DNAH11: variants seen among roughly 807,000 people sequenced by gnomAD.
DNAH11 encodes the protein axonemal beta dynein heavy chain 11.
DNAH11 carries 442 observed loss-of-function variants against 526.0 expected under a neutral mutation model. That is an observed-to-expected ratio of 0.84 (90% CI 0.78 to 0.91). DNAH11 has a LOEUF of 0.91. Among genes scored for constraint, DNAH11 ranks in the 40% least tolerant of loss-of-function variants. DNAH11 has a pLI of 0.00. For missense variants in DNAH11, 6,989 were observed against 5,448.7 expected (o/e 1.28, Z -8.90); for synonymous variants, 2,461 against 1,935.9 (o/e 1.27, Z -7.12).
In DNAH11 at chr7:21,559,642, A is replaced by G. The variant is rs1448372395; in HGVS notation, c.732A>G (p.Glu244=). ...SNERIILHAI[E]SVVIEWSHQI... ...AAAGGATAATACTTCATGCAATTGA[A>G]TCTGTGGTTATTGAATGGTCACATC... Residue 244 remains glutamate, a synonymous_variant, in exon 4 of 82, where the codon GAA becomes GAG. Coordinates refer to ENST00000409508, the MANE Select transcript of DNAH11 (RefSeq NM_001277115.2). 2.5e-6 allele frequency: 4 copies of G among 1,611,934 alleles called. No homozygotes were observed. The highest frequency in any genetic ancestry group is 3.4e-6 in the Non-Finnish European group (4 of 1,179,022).
At position 21,683,910 on chromosome 7, in the gene DNAH11, A is replaced by T. The variant is rs1440718793; in HGVS notation, c.5587A>T (p.Ser1863Cys). Residue 1863 changes from serine (S) to cysteine (C), a missense_variant, in exon 32 of 82, where the codon AGC becomes TGC. By Grantham distance (112) the Ser-to-Cys change is moderately radical. Coordinates refer to ENST00000409508, the MANE Select transcript of DNAH11 (RefSeq NM_001277115.2). Reference protein sequence around the residue: ...FQYFYEYLGNSPRLVITPLTD... With the variant: ...FQYFYEYLGNCPRLVITPLTD... ...GTACTTCTATGAATACTTAGGAAAC[A>T]GCCCTCGACTAGTGATCACTCCTCT... 6.2e-7 allele frequency: 1 copy of T among 1,613,804 alleles called. No homozygotes were observed. The highest frequency in any genetic ancestry group is 1.7e-5 in the Admixed American group (1 of 60,014).
chr7:21,810,149 C>A (rs929350753), intron 63 of DNAH11, among the ~76,000 whole-genome samples: 3 of 152,106 alleles, frequency 2.0e-5, no homozygotes, highest in Non-Finnish European at 1.5e-5. Flanking sequence ...AAGTAGCTTA[C>A]CCTAAATTTG....
chr7:21,896,537 G>A (rs1460100203), intron 79 of DNAH11, among the ~76,000 whole-genome samples: 1 of 152,172 alleles, frequency 6.6e-6, no homozygotes, highest in Non-Finnish European at 1.5e-5. Flanking sequence ...ATTGTACTGA[G>A]GTATGGATTT....
At chr7:21,556,856 G>A (rs1469774635) in intron 2 of DNAH11, among the ~76,000 whole-genome samples, 1 of 152,130 alleles carries the variant, frequency 6.6e-6, no homozygotes, top group African/African-American at 2.4e-5. Context: ...GAGGCCAGGA[G>A]TTTGAAACCA....
intron 45 of DNAH11, among the ~76,000 whole-genome samples, chr7:21,733,388 CA>C (rs200757148): frequency 6.6e-6 from 1 of 150,914 alleles, no homozygotes; most frequent in African/African-American, 2.4e-5. Flanking sequence ...GACTCCATCT[CA>C]AAAAAAAAGA....
intron 20 of DNAH11, among the ~76,000 whole-genome samples, chr7:21,612,477 C>T (rs189191222): frequency 2.7e-4 from 40 of 149,294 alleles, no homozygotes; most frequent in Admixed American, 2.2e-3. Context: ...ATGGCATGAA[C>T]CCAGGAGGCA....
Position 21,600,686 on chromosome 7 carries a change from A to G in DNAH11, c.3011A>G (p.Asp1004Gly). 6.2e-7 allele frequency: 1 copy of G among 1,609,698 alleles called. No individual in the cohort carries two copies. The highest frequency in any genetic ancestry group is 8.5e-7 in the Non-Finnish European group (1 of 1,177,524). ...LEIKNYQNDM[D>G]NMLGLAEVRQ... ...TTTCCTCTCATTTAGAATGATATGG[A>G]TAACATGTTAGGCCTGGCAGAGGTC... Residue 1004 changes from aspartate to glycine, a missense_variant, in exon 16 of 82, where the codon GAT (aspartate) becomes GGT (glycine). Physicochemically the swap from Asp to Gly is moderately conservative, Grantham distance 94. Coordinates refer to ENST00000409508, the MANE Select transcript of DNAH11 (RefSeq NM_001277115.2).
chr7:21,724,751 GCCAGGTCATCCTAT>G (rs1211838061), intron 44 of DNAH11, among the ~76,000 whole-genome samples: 50 of 151,186 alleles, frequency 3.3e-4, no homozygotes, highest in Middle Eastern at 3.5e-3. Flanking sequence ...GAGTCACTGG[GCCAGGTCATCCTAT>G]GAATATAGGA....
At chr7:21,803,586 C>G (rs1159916494) in intron 62 of DNAH11, among the ~76,000 whole-genome samples, 1 of 144,390 alleles carries the variant, frequency 6.9e-6, no homozygotes, top group East Asian at 2.0e-4. Context: ...TAACTCCACC[C>G]CACACCTCCT....
chr7:21,707,126 G>A (rs1364963264), intron 39 of DNAH11, among the ~76,000 whole-genome samples: 2 of 152,222 alleles, frequency 1.3e-5, no homozygotes, highest in East Asian at 3.9e-4. Context: ...CTTCCCCCAA[G>A]TCAAGACAGT....
intron 2 of DNAH11, among the ~76,000 whole-genome samples, chr7:21,553,401 G>A (rs1193466044): frequency 6.6e-5 from 10 of 151,906 alleles, no homozygotes; most frequent in African/African-American, 2.2e-4. Context: ...CCTTTTACCC[G>A]ACACTATCAA....
chr7:21,718,073 T>TCC (rs1784733105), intron 43 of DNAH11, 148 bp downstream of exon 43: 1 of 968,128 alleles, frequency 1.0e-6, no homozygotes, highest in African/African-American at 2.1e-5. Context: ...CCCGCCCCCG[T>TCC]CCCCCATGTT....
intron 65 of DNAH11, among the ~76,000 whole-genome samples, chr7:21,820,793 G>C (rs555987779): frequency 3.3e-5 from 5 of 152,120 alleles, no homozygotes; most frequent in Non-Finnish European, 4.4e-5. Flanking sequence ...TTTAACTAAG[G>C]GACCATGCTT....
chr7:21,703,200 G>T (rs1436324176), intron 37 of DNAH11, among the ~76,000 whole-genome samples: 1 of 152,144 alleles, frequency 6.6e-6, no homozygotes, highest in Non-Finnish European at 1.5e-5. Flanking sequence ...GACCTAAGAT[G>T]GACATGCAGA....
chr7:21,592,509 G>A (rs560149504), intron 14 of DNAH11, among the ~76,000 whole-genome samples: 1 of 152,278 alleles, frequency 6.6e-6, no homozygotes, highest in East Asian at 1.9e-4. Flanking sequence ...ACATTATGTG[G>A]GGTTAGCAGG....
chr7:21,603,637 T>G (rs1213487577), intron 18 of DNAH11, among the ~76,000 whole-genome samples: 1 of 152,200 alleles, frequency 6.6e-6, no homozygotes, highest in Non-Finnish European at 1.5e-5. Flanking sequence ...AAAACTGCCC[T>G]TAGAGCTTGC....
At chr7:21,885,012 C>T (rs1046275803) in intron 76 of DNAH11, among the ~76,000 whole-genome samples, 2 of 151,416 alleles carry the variant, frequency 1.3e-5, no homozygotes, top group South Asian at 2.1e-4. Context: ...ACGATGTACA[C>T]GTGTATCAAA....
intron 27 of DNAH11, among the ~76,000 whole-genome samples, chr7:21,638,452 A>T (rs896736954): frequency 6.6e-6 from 1 of 152,096 alleles, no homozygotes; most frequent in African/African-American, 2.4e-5. Context: ...AATAAAGTGG[A>T]ACCAATTCTG....
rs548921767 is a variant in DNAH11 at position 21,826,843 on chromosome 7, T to C, written c.10691+8504T>C. On this transcript the variant is annotated intron_variant, in intron 65 of 81. Coordinates refer to ENST00000409508, the MANE Select transcript of DNAH11 (RefSeq NM_001277115.2). ...AGTTTTTGGCTATCAATAGTGTTTTTGTTTATTCTAGTTCTATTTGTTTGG... is the reference window on the plus strand; with the variant it reads ...AGTTTTTGGCTATCAATAGTGTTTTCGTTTATTCTAGTTCTATTTGTTTGG... Among the ~76,000 whole-genome samples, 8 of 152,348 alleles carry C rather than the reference T, an allele frequency of 5.3e-5. No individual in the cohort carries two copies. The South Asian group carries it at 1.7e-3, about 32-fold the overall frequency.
Sources: gnomAD v4.1 joint callset for allele counts (sites outside exome capture counted in the v4.1 genomes callset) on GRCh38, gnomAD v4.1.1 for gene constraint, MANE v1.5 for transcripts, NCBI Gene and HGNC (gene_info 2026-07-23, HGNC 2026-07-21) for gene names.